Variants in TSBP1 observed in about 807,000 individuals in gnomAD.
TSBP1 encodes testis expressed basic protein 1.
A neutral mutation model predicts 68.8 loss-of-function variants in TSBP1; 56 were observed. The observed-to-expected ratio is 0.81, with a 90% confidence interval of 0.66 to 1.02. TSBP1 has a LOEUF of 1.02. TSBP1 is among the 50% of genes least tolerant of loss of function. The pLI is 0.00. For missense variants in TSBP1, 502 were observed against 641.2 expected, an observed-to-expected ratio of 0.78 and a Z score of 2.34; for synonymous variants, 171 against 208.7, an observed-to-expected ratio of 0.82 and a Z score of 1.56.
chr6:32,304,090 A>G lies in TSBP1; in HGVS notation c.581-1461T>C, dbSNP rs1371510395. ...GAACAAATTGATTTTGGTCCTTTCT[A>G]TGTGGTTTCTTGTTTCTGTGGGCCT... is the stretch of plus-strand genomic sequence containing the variant. On this transcript the variant is annotated intron_variant, in intron 19 of 22. Coordinates refer to ENST00000612031, the Ensembl canonical transcript of TSBP1. The surrounding 1 kb of genome is among the most constrained non-coding windows in gnomAD (Gnocchi z 4.8). Among the ~76,000 whole-genome samples, 1 of 152,126 alleles carries G rather than the reference A, an allele frequency of 6.6e-6. No individual in the cohort carries two copies. The highest frequency in any genetic ancestry group is 2.4e-5 in the African/African-American group (1 of 41,430).
intron 15 of TSBP1, 141 bp downstream of exon 16, chr6:32,331,893 C>T: frequency 1.5e-6 from 1 of 687,700 alleles, no homozygotes; most frequent in Non-Finnish European, 2.5e-6. Context: ...CAAAACCTAA[C>T]AGTTACGATA....
chr6:32,325,879 T>A lies in TSBP1; in HGVS notation c.515-2265A>T. ...TGACAACTTTGATCATGGAGGAAAC[T>A]TCAGTGGTTGTGGTGGCTTTGGTGG... On this transcript the variant is annotated intron_variant, in intron 16 of 22. Coordinates refer to ENST00000612031, the Ensembl canonical transcript of TSBP1. This position sits in a 1 kb window ranked among gnomAD's most constrained non-coding sequence, Gnocchi z 4.4. 6.7e-7 allele frequency: 1 copy of A among 1,484,100 alleles called. No homozygotes were observed. The allele number at this position is 1,484,100 out of a possible 1,614,324, so 91.9% of individuals were successfully genotyped here.
At chr6:32,297,856 C>T (rs940892194) in intron 22 of TSBP1, among the ~76,000 whole-genome samples, 18 of 151,692 alleles carry the variant, frequency 1.2e-4, no homozygotes, top group African/African-American at 3.9e-4. Flanking sequence ...GCCAGGAGTT[C>T]GAGGCCAGCC....
Position 32,323,628 on chromosome 6 carries a change from A to T in TSBP1, c.515-14T>A, listed in dbSNP as rs1263871210. ...AAGGTGGACCAGCTGAAAAACAGAGAGGTATCTTAGCAACTGTTTTTTCTC... is the reference window on the plus strand; with the variant it reads ...AAGGTGGACCAGCTGAAAAACAGAGTGGTATCTTAGCAACTGTTTTTTCTC... On this transcript the variant is annotated splice_polypyrimidine_tract_variant and intron_variant, in intron 16 of 22. Coordinates refer to ENST00000612031, the Ensembl canonical transcript of TSBP1. 1 of 1,611,534 alleles carries T rather than the reference A, an allele frequency of 6.2e-7. No homozygotes were observed. The highest frequency in any genetic ancestry group is 8.5e-7 in the Non-Finnish European group (1 of 1,178,940).
intron 16 of TSBP1, chr6:32,324,663 G>A: frequency 6.4e-7 from 1 of 1,550,784 alleles, no homozygotes; most frequent in Non-Finnish European, 8.7e-7. Context: ...TACTGATTGT[G>A]TGAGGATGCG....
chr6:32,369,775 T>G (rs752923039), intron 2 of TSBP1, 122 bp downstream of exon 2: 28 of 786,824 alleles, frequency 3.6e-5, no homozygotes, highest in Non-Finnish European at 6.1e-5. Context: ...TTGAAACAGA[T>G]TCCCAGAATA....
At position 32,316,563 on chromosome 6, in the gene TSBP1, C is replaced by T. The variant is rs9268220; in HGVS notation, c.560-771G>A. 89,280 of 666,744 alleles carry T rather than the reference C, an allele frequency of 0.13. 7,399 individuals carry two copies. The highest frequency in any genetic ancestry group is 0.16 in the Non-Finnish European group (61,244 of 377,176). 41.3% of individuals were successfully genotyped at this position (666,744 alleles called of 1,614,324 possible). A position where few individuals can be genotyped will look rare whatever the true frequency, so the allele number is the denominator to read the frequency against. ...TGTTAAAAGCTCCAATTCTTTATGACTGCATTCTTGGGTAAGTATTTGGGT... is the reference window on the plus strand; with the variant it reads ...TGTTAAAAGCTCCAATTCTTTATGATTGCATTCTTGGGTAAGTATTTGGGT... On this transcript the variant is annotated intron_variant, in intron 18 of 22. Transcript: ENST00000612031. This position sits in a 1 kb window ranked among gnomAD's most constrained non-coding sequence, Gnocchi z 4.5.
In TSBP1 at chr6:32,364,739, C is replaced by T. The variant is rs534576161; in HGVS notation, c.217+1428G>A. ...ACTGGTGGATTGATTTTTAGGCAAA[C>T]CTTCATTTTTGGGGGTTAGTTACTG... On this transcript the variant is annotated intron_variant, in intron 6 of 22. Coordinates refer to ENST00000612031, the Ensembl canonical transcript of TSBP1. Among the ~76,000 whole-genome samples, 3 of 151,982 alleles carry T rather than the reference C, an allele frequency of 2.0e-5. No homozygotes were observed. The East Asian group carries it at 5.8e-4, about 29-fold the overall frequency.
In TSBP1 at chr6:32,365,507, A is replaced by G; in HGVS notation, c.217+660T>C. Reference sequence around the variant, plus strand: ...AGGCTTTCTGATGAGTGGGTTCTGCAGTCTCTTTTCCCTGCTCCCAGCCTC... The same window carrying G: ...AGGCTTTCTGATGAGTGGGTTCTGCGGTCTCTTTTCCCTGCTCCCAGCCTC... On this transcript the variant is annotated intron_variant, in intron 6 of 22. Transcript: ENST00000612031. The surrounding 1 kb of genome is among the most constrained non-coding windows in gnomAD (Gnocchi z 4.3). 2.2e-6 allele frequency: 1 copy of G among 456,672 alleles called. No individual in the cohort carries two copies. The highest frequency in any genetic ancestry group is 4.4e-6 in the Non-Finnish European group (1 of 226,956). 28.3% of individuals were successfully genotyped at this position (456,672 alleles called of 1,614,324 possible).
chr6:32,323,945 C>T, intron 16 of TSBP1: 1 of 323,578 alleles, frequency 3.1e-6, no homozygotes, highest in East Asian at 5.9e-5. Context: ...ATCCAGCTTG[C>T]AACTAGACCA....
intron 2 of TSBP1, among the ~76,000 whole-genome samples, chr6:32,369,506 G>A (rs1774151325): frequency 6.6e-6 from 1 of 151,680 alleles, no homozygotes; most frequent in Non-Finnish European, 1.5e-5. Flanking sequence ...GAGCGGCTAG[G>A]CTTACAGTTA....
intron 9 of TSBP1, among the ~76,000 whole-genome samples, chr6:32,347,339 C>T (rs1583128628): frequency 7.1e-6 from 1 of 140,776 alleles, no homozygotes. Flanking sequence ...ATTTTTTATT[C>T]ATTGTAGAGA....
In TSBP1 at chr6:32,315,890, T is replaced by G; in HGVS notation, c.560-98A>C. The G allele has an allele frequency of 1.4e-6, 1 of 724,182 alleles. No individual in the cohort carries two copies. Among genetic ancestry groups the G allele is most frequent in the Non-Finnish European group, 2.2e-6 (1 of 448,038 alleles). 44.9% of individuals were successfully genotyped at this position (724,182 alleles called of 1,614,324 possible). ...TTGTTGGAGTCTGTGAGGGGAGGAC[T>G]TGTGTGGGCAAAGAAGGAAGCATTC... On this transcript the variant is annotated intron_variant, in intron 18 of 22. Transcript: ENST00000612031. The surrounding 1 kb of genome is among the most constrained non-coding windows in gnomAD (Gnocchi z 5.4).
At chr6:32,307,005 AATTTT>A (rs144669111) in intron 19 of TSBP1, among the ~76,000 whole-genome samples, 5,990 of 151,784 alleles carry the variant, frequency 0.039, 333 homozygotes, top group African/African-American at 0.12. Flanking sequence ...CCTTTTCTTT[AATTTT>A]GTTTCAAAAT....
Position 32,325,649 on chromosome 6 carries a change from A to G in TSBP1, c.515-2035T>C, listed in dbSNP as rs1768139675. 1 of 1,061,482 alleles carries G rather than the reference A, an allele frequency of 9.4e-7. No homozygotes were observed. The highest frequency in any genetic ancestry group is 1.7e-5 in the Admixed American group (1 of 59,244). 65.8% of individuals were successfully genotyped at this position (1,061,482 alleles called of 1,614,324 possible). On this transcript the variant is annotated intron_variant, in intron 16 of 22. Transcript: ENST00000612031. The surrounding 1 kb of genome is among the most constrained non-coding windows in gnomAD (Gnocchi z 4.4). ...CATGACTGACCGAGGCAGTTGCAAG[A>G]AAAGGGGATTTGCCTTTGTAACCTT...
intron 16 of TSBP1, among the ~76,000 whole-genome samples, chr6:32,327,831 A>G (rs1251151456): frequency 2.0e-5 from 3 of 148,342 alleles, no homozygotes; most frequent in Non-Finnish European, 4.5e-5. Context: ...TTGCTCTGTC[A>G]CCCAGGCTGG....
At chr6:32,339,858 G>A (rs1418184769) in intron 9 of TSBP1, among the ~76,000 whole-genome samples, 1 of 152,160 alleles carries the variant, frequency 6.6e-6, no homozygotes, top group African/African-American at 2.4e-5. Context: ...AACAGAAGTT[G>A]TGTCCTCTGT....
intron 19 of TSBP1, among the ~76,000 whole-genome samples, chr6:32,311,551 A>G (rs1430921645): frequency 1.3e-5 from 2 of 152,150 alleles, no homozygotes; most frequent in Admixed American, 6.5e-5. Flanking sequence ...TGTGCAGTGC[A>G]GAGGTGCTGC....
At chr6:32,366,440 A>G in intron 4 of TSBP1, 138 bp from the exon 5 acceptor site, 2 of 893,678 alleles carry the variant, frequency 2.2e-6, no homozygotes, top group South Asian at 1.4e-5. Flanking sequence ...AGAAAAAAAC[A>G]TATTAACTTT....
Sources: allele counts gnomAD v4.1 joint callset (sites outside exome capture counted in the v4.1 genomes callset), GRCh38; gene constraint gnomAD v4.1.1; non-coding constraint Gnocchi (gnomAD v3.1); transcripts MANE v1.5; gene names NCBI Gene and HGNC (gene_info 2026-07-23, HGNC 2026-07-21).